HECW2: variants seen among roughly 807,000 people sequenced by gnomAD.
HECW2 encodes HECT, C2 and WW domain containing E3 ubiquitin protein ligase 2.
HECW2 carries 61 observed loss-of-function variants against 175.2 expected under a neutral mutation model. That is an observed-to-expected ratio of 0.35 (90% CI 0.28 to 0.43). The LOEUF (loss-of-function observed/expected upper bound fraction) is 0.43. Among genes scored for constraint, HECW2 ranks in the 20% least tolerant of loss-of-function variants. The pLI, the probability that HECW2 is intolerant of heterozygous loss-of-function variation, is 1.00. For synonymous variants in HECW2, 671 were observed against 731.0 expected, an observed-to-expected ratio of 0.92 and a Z score of 1.32; for missense variants, 1,524 against 2,000.5, an observed-to-expected ratio of 0.76 and a Z score of 4.54.
chr2:196,250,836 T>C (rs1688826538), intron 19 of HECW2, among the ~76,000 whole-genome samples: 1 of 152,162 alleles, frequency 6.6e-6, no homozygotes, highest in Non-Finnish European at 1.5e-5. Flanking sequence ...TTCTCCTAAC[T>C]ACTGTTCTAT....
intron 18 of HECW2, 152 bp downstream of exon 18, chr2:196,257,671 A>G (rs375938296): frequency 1.4e-4 from 88 of 610,896 alleles, no homozygotes; most frequent in Middle Eastern, 8.5e-4. Context: ...TGATCACTCA[A>G]TCAGCACCCT....
At chr2:196,492,073 T>C (rs553984299) in intron 1 of HECW2, among the ~76,000 whole-genome samples, 12 of 152,328 alleles carry the variant, frequency 7.9e-5, no homozygotes, top group Non-Finnish European at 1.8e-4. Context: ...TACACCACCA[T>C]TTAATGTTTA....
intron 1 of HECW2, among the ~76,000 whole-genome samples, chr2:196,560,456 G>C (rs1689959039): frequency 6.6e-6 from 1 of 151,970 alleles, no homozygotes; most frequent in African/African-American, 2.4e-5. Flanking sequence ...CTTAACCACT[G>C]TTTCTTATCT....
chr2:196,370,525 C>T (rs1693877505), intron 2 of HECW2, among the ~76,000 whole-genome samples: 1 of 152,178 alleles, frequency 6.6e-6, no homozygotes, highest in South Asian at 2.1e-4. Flanking sequence ...CTGGCTACCC[C>T]AGCTGGTGTC....
At chr2:196,386,348 AT>A (rs779742197) in intron 2 of HECW2, among the ~76,000 whole-genome samples, 1 of 152,168 alleles carries the variant, frequency 6.6e-6, no homozygotes, top group Non-Finnish European at 1.5e-5. Context: ...TCAGAAGGGG[AT>A]GTTTGAGCAA....
chr2:196,291,150 G>C (rs1479005916), intron 14 of HECW2: 1 of 152,012 alleles, frequency 6.6e-6, no homozygotes, highest in African/African-American at 2.4e-5. Context: ...TCTGCTAGAG[G>C]GAACTTTGGG....
In HECW2 at chr2:196,254,017, T is replaced by C. The variant is rs754914004; in HGVS notation, c.3432A>G (p.Glu1144=). 2.5e-6 allele frequency: 4 copies of C among 1,613,446 alleles called. No individual in the cohort carries two copies. In the African/African-American group the frequency reaches 5.3e-5, roughly 22 times the overall value. Residue 1144 remains glutamate, a synonymous_variant, in exon 19 of 29, where the codon GAA becomes GAG. Transcript: ENST00000644978. The stretch of plus-strand genomic sequence containing the variant: ...GTGGAGGCACATACGACATTATCTC[T>C]TCTTCAAATAAGCTGGGGAAAGACA... ...DLVMLLSLFE[E]EIMSYVPPHA...
chr2:196,439,275 G>A (rs1695971542), intron 1 of HECW2, among the ~76,000 whole-genome samples: 2 of 152,200 alleles, frequency 1.3e-5, no homozygotes, highest in South Asian at 4.1e-4. Context: ...ATGCCTAAGA[G>A]CCTGGGGAGA....
chr2:196,278,166 T>C, intron 15 of HECW2, among the ~76,000 whole-genome samples: 1 of 76,410 alleles, frequency 1.3e-5, no homozygotes, highest in Non-Finnish European at 3.1e-5. Flanking sequence ...AAATTCCACA[T>C]TTAACCAAGT....
intron 1 of HECW2, among the ~76,000 whole-genome samples, chr2:196,448,696 A>G (rs1428124614): frequency 1.3e-5 from 2 of 152,130 alleles, no homozygotes; most frequent in African/African-American, 4.8e-5. Context: ...TTATTTATTT[A>G]TTTGTTGTGA....
chr2:196,301,785 C>A (rs1472330833), intron 13 of HECW2, among the ~76,000 whole-genome samples: 2 of 149,560 alleles, frequency 1.3e-5, no homozygotes, highest in African/African-American at 2.5e-5. Flanking sequence ...GGACATTAGA[C>A]CTTTGTCACA....
intron 1 of HECW2, among the ~76,000 whole-genome samples, chr2:196,585,128 T>G (rs1690928395): frequency 6.6e-6 from 1 of 152,220 alleles, no homozygotes; most frequent in African/African-American, 2.4e-5. Flanking sequence ...TACTGAGGTA[T>G]ACCATACATA....
chr2:196,271,928 C>T (rs1290045945), intron 16 of HECW2, among the ~76,000 whole-genome samples: 5 of 152,080 alleles, frequency 3.3e-5, no homozygotes, highest in Admixed American at 6.6e-5. Context: ...CTTAGTTAAA[C>T]ATTCTTAGTA....
chr2:196,468,012 GTTTCT>G (rs1697032007), intron 1 of HECW2, among the ~76,000 whole-genome samples: 1 of 152,022 alleles, frequency 6.6e-6, no homozygotes, highest in Non-Finnish European at 1.5e-5. Flanking sequence ...TCTCCCAGTT[GTTTCT>G]TTTTTTCTTT....
Position 196,287,349 on chromosome 2 carries a change from T to C in HECW2, c.3000+5216A>G, listed in dbSNP as rs376525907. Reference sequence around the variant, plus strand: ...ACTTTAAATAAGAAGATGGTTCCCATTGTATATTTTTATTTTTTAAAATCT... The same window carrying C: ...ACTTTAAATAAGAAGATGGTTCCCACTGTATATTTTTATTTTTTAAAATCT... On this transcript the variant is annotated intron_variant, in intron 14 of 28. Transcript: ENST00000644978. Among the ~76,000 whole-genome samples the C allele has an allele frequency of 4.6e-5, 7 of 152,336 alleles. No individual in the cohort carries two copies. The East Asian group carries it at 9.6e-4, about 21-fold the overall frequency.
At chr2:196,369,292 A>T (rs1324139140) in intron 2 of HECW2, among the ~76,000 whole-genome samples, 1 of 150,198 alleles carries the variant, frequency 6.7e-6, no homozygotes, top group Non-Finnish European at 1.5e-5. Context: ...TCTGTGGATT[A>T]CCTGGTAGAA....
intron 2 of HECW2, among the ~76,000 whole-genome samples, chr2:196,403,046 A>G (rs573604479): frequency 6.6e-6 from 1 of 152,230 alleles, no homozygotes. Context: ...ACCTCAGGTG[A>G]TCCGCCCACC....
In HECW2 at chr2:196,324,967, A is replaced by G; in HGVS notation, c.741+13T>C. 6.4e-7 allele frequency: 1 copy of G among 1,552,036 alleles called. No individual in the cohort carries two copies. The highest frequency in any genetic ancestry group is 8.7e-7 in the Non-Finnish European group (1 of 1,153,412). On this transcript the variant is annotated intron_variant, in intron 6 of 28. Transcript: ENST00000644978. ...CTCACCATCAAGTAGGAGACCCCCGAGGATCATCTTACCTCTCGGTGCCAA... is the reference window on the plus strand; with the variant it reads ...CTCACCATCAAGTAGGAGACCCCCGGGGATCATCTTACCTCTCGGTGCCAA...
intron 2 of HECW2, among the ~76,000 whole-genome samples, chr2:196,367,916 T>C (rs147935404): frequency 1.6e-4 from 25 of 151,596 alleles, no homozygotes; most frequent in South Asian, 6.3e-4. Flanking sequence ...TACATATATA[T>C]ATGAGATACA....
Sources: gnomAD v4.1 joint callset for allele counts (sites outside exome capture counted in the v4.1 genomes callset) on GRCh38, gnomAD v4.1.1 for gene constraint, MANE v1.5 for transcripts, NCBI Gene and HGNC (gene_info 2026-07-23, HGNC 2026-07-21) for gene names.